The following ANKFY1 variants were observed in gnomAD, a reference collection of about 807,000 sequenced individuals.
ANKFY1 encodes ankyrin repeat and FYVE domain-containing protein 1.
In ANKFY1, 47 loss-of-function variants were observed where a neutral mutation model predicts 128.3. The ratio of observed to expected loss-of-function variants is 0.37; its 90% CI spans 0.29 to 0.47. The LOEUF is 0.47. Among genes scored for constraint, ANKFY1 ranks in the 20% least tolerant of loss-of-function variants. ANKFY1 has a pLI of 1.00. For missense variants in ANKFY1, 1,222 were observed against 1,510.6 expected, an observed-to-expected ratio of 0.81 and a Z score of 3.17; for synonymous variants, 553 against 601.6, an observed-to-expected ratio of 0.92 and a Z score of 1.18.
Position 4,246,072 on chromosome 17 carries a change from C to A in ANKFY1, c.11-3624G>T, listed in dbSNP as rs1043663384. ...AACAAACAACAACAACAAAAAACAA[C>A]CAAAGAAAAAAAATTATGAGTAATA... On this transcript the variant is annotated intron_variant, in intron 1 of 24. Transcript: ENST00000341657. Among the ~76,000 whole-genome samples, 11 of 151,880 alleles carry A rather than the reference C, an allele frequency of 7.2e-5. 1 individual carries two copies. Among genetic ancestry groups the A allele is most frequent in the Admixed American group, 6.6e-4 (10 of 15,216 alleles).
rs2059369076 is a variant in ANKFY1 at position 4,173,964 on chromosome 17, T to A, written c.2868A>T (p.Ser956=). The change falls in exon 20 of 25, where the codon TCA becomes TCT. Residue 956 remains serine, a synonymous_variant. Coordinates refer to ENST00000341657, the MANE Select transcript of ANKFY1 (RefSeq NM_001330063.2). ...AAQQDLPTIC[S]VLLENGVDFA... is the part of the protein sequence containing the mutation. ...AGTCCACGCCATTCTCTAGGAGGACTGAGCAGATGGTGGGCAGGTCCTGCT... is the reference window on the plus strand; with the variant it reads ...AGTCCACGCCATTCTCTAGGAGGACAGAGCAGATGGTGGGCAGGTCCTGCT... The A allele has an allele frequency of 1.2e-6, 2 of 1,614,098 alleles. No individual in the cohort carries two copies. The highest frequency in any genetic ancestry group is 1.3e-5 in the African/African-American group (1 of 74,956).
In ANKFY1 at chr17:4,256,635, T is replaced by C. The variant is rs555033846; in HGVS notation, c.10+7297A>G. 6.6e-5 allele frequency among the ~76,000 whole-genome samples: 10 copies of C among 152,132 alleles called. No individual in the cohort carries two copies. The East Asian group carries it at 1.5e-3, about 23-fold the overall frequency. ...AGAGTCTGGCTGAAAAGTAGTGCCA[T>C]TAATCATGAATATAGAAGAGAAAAC... is the stretch of plus-strand genomic sequence containing the variant. On this transcript the variant is annotated intron_variant, in intron 1 of 24. Coordinates refer to ENST00000341657, the MANE Select transcript of ANKFY1 (RefSeq NM_001330063.2).
chr17:4,243,041 ATCTC>A (rs767337803), intron 1 of ANKFY1, among the ~76,000 whole-genome samples: 16 of 151,976 alleles, frequency 1.1e-4, no homozygotes, highest in Non-Finnish European at 1.8e-4. Flanking sequence ...CCCTCATTTA[ATCTC>A]TCTCTCTTTT....
intron 16 of ANKFY1, chr17:4,180,932 A>C: frequency 3.8e-6 from 1 of 266,452 alleles, no homozygotes; most frequent in East Asian, 6.8e-5. Flanking sequence ...TGCAGAGACC[A>C]TCTGGTCTCC....
intron 11 of ANKFY1, 73 bp downstream of exon 11, chr17:4,189,309 T>A (rs2059669385): frequency 7.5e-7 from 1 of 1,327,600 alleles, no homozygotes; most frequent in Admixed American, 2.2e-5. Context: ...ATTCCCCTTT[T>A]TCCTACATAT....
chr17:4,228,710 C>T (rs1394064712), intron 3 of ANKFY1, among the ~76,000 whole-genome samples: 1 of 152,206 alleles, frequency 6.6e-6, no homozygotes, highest in Non-Finnish European at 1.5e-5. Flanking sequence ...AGCCACCACA[C>T]CCAGCAAGGA....
intron 7 of ANKFY1, among the ~76,000 whole-genome samples, chr17:4,200,178 C>A (rs1255154038): frequency 6.6e-6 from 1 of 151,876 alleles, no homozygotes; most frequent in Non-Finnish European, 1.5e-5. Flanking sequence ...CCTCCCAGCT[C>A]AGCCTCCTGA....
chr17:4,188,907 G>C (rs1315466489), intron 11 of ANKFY1: 1 of 152,076 alleles, frequency 6.6e-6, no homozygotes, highest in African/African-American at 2.4e-5. Flanking sequence ...GCATAGGGAG[G>C]AAATGGGAAA....
Position 4,167,490 on chromosome 17 carries a change from T to G in ANKFY1, c.*289A>C. On this transcript the variant is annotated 3_prime_UTR_variant, in exon 25 of 25. Coordinates refer to ENST00000341657, the MANE Select transcript of ANKFY1 (RefSeq NM_001330063.2). The surrounding 1 kb of genome is among the most constrained non-coding windows in gnomAD (Gnocchi z 4.1). The stretch of plus-strand genomic sequence containing the variant: ...TTTTCCAAGTGTCCCTGTATGTTGC[T>G]AGCAGAATGGGGAGAGGTCTAATTC... 1 of 262,258 alleles carries G rather than the reference T, an allele frequency of 3.8e-6. No homozygotes were observed. Among genetic ancestry groups the G allele is most frequent in the Non-Finnish European group, 7.2e-6 (1 of 139,106 alleles). The allele number at this position is 262,258 out of a possible 1,614,324, so 16.2% of individuals were successfully genotyped here.
At chr17:4,217,884 A>T (rs903853943) in intron 3 of ANKFY1, among the ~76,000 whole-genome samples, 3 of 152,074 alleles carry the variant, frequency 2.0e-5, no homozygotes, top group Non-Finnish European at 4.4e-5. Context: ...CGGTTTCACC[A>T]TGTTGCCCAG....
At chr17:4,182,446 C>T (rs2059532973) in intron 14 of ANKFY1, 97 bp from the exon 15 acceptor site, 1 of 918,796 alleles carries the variant, frequency 1.1e-6, no homozygotes, top group South Asian at 3.0e-5. Context: ...TCTTCTGTCT[C>T]TAATCATATT....
intron 11 of ANKFY1, 74 bp downstream of exon 11, chr17:4,189,308 T>C: frequency 1.4e-5 from 18 of 1,323,394 alleles, no homozygotes; most frequent in Non-Finnish European, 1.9e-5. Flanking sequence ...TATTCCCCTT[T>C]TTCCTACATA....
Position 4,179,830 on chromosome 17 carries a change from CCTT to C in ANKFY1, c.2285_2287del (p.Glu762del), listed in dbSNP as rs766752558. Reference sequence around the variant, plus strand: ...CTGCCCATCTCTAGCCTCTTCCTCTCCTTCTCCATTGGCGCCTGGTTGTCTGGG... The same window carrying C: ...CTGCCCATCTCTAGCCTCTTCCTCTCCTCCATTGGCGCCTGGTTGTCTGGG... On this transcript the variant is annotated inframe_deletion, in exon 17 of 25. Coordinates refer to ENST00000341657, the MANE Select transcript of ANKFY1 (RefSeq NM_001330063.2). The C allele has an allele frequency of 4.3e-6, 7 of 1,614,140 alleles. No individual in the cohort carries two copies. The highest frequency in any genetic ancestry group is 2.7e-5 in the African/African-American group (2 of 74,940).
chr17:4,170,478 T>C (rs2059296279), intron 23 of ANKFY1, among the ~76,000 whole-genome samples: 1 of 152,056 alleles, frequency 6.6e-6, no homozygotes, highest in African/African-American at 2.4e-5. Context: ...TCTAGAAGGT[T>C]GTGGGGTGTG....
intron 1 of ANKFY1, among the ~76,000 whole-genome samples, chr17:4,259,350 G>A (rs1204060311): frequency 6.6e-6 from 1 of 152,134 alleles, no homozygotes. Context: ...GCGCGATCTC[G>A]GATCACTGCA....
intron 4 of ANKFY1, among the ~76,000 whole-genome samples, chr17:4,213,012 T>C (rs574569017): frequency 1.5e-3 from 226 of 152,124 alleles, no homozygotes; most frequent in Non-Finnish European, 2.4e-3. Context: ...TCTGACCTCA[T>C]GACCCGCCCG....
chr17:4,207,492 CTT>C (rs1460957167), intron 6 of ANKFY1, among the ~76,000 whole-genome samples: 1 of 152,146 alleles, frequency 6.6e-6, no homozygotes, highest in Admixed American at 6.5e-5. Context: ...GGATTCTCCT[CTT>C]GAGTCTCTGG....
chr17:4,181,477 G>T lies in ANKFY1; in HGVS notation c.2122-105C>A. Reference sequence around the variant, plus strand: ...TAGCATTAAATCCACTTTCAGATAAGATACGGTTGATAATAAATTGATAAT... The same window carrying T: ...TAGCATTAAATCCACTTTCAGATAATATACGGTTGATAATAAATTGATAAT... On this transcript the variant is annotated intron_variant, in intron 15 of 24. Transcript: ENST00000341657. The surrounding 1 kb of genome is among the most constrained non-coding windows in gnomAD (Gnocchi z 4.9). The T allele has an allele frequency of 2.7e-6, 2 of 728,554 alleles. No homozygotes were observed. Among genetic ancestry groups the T allele is most frequent in the Non-Finnish European group, 2.4e-6 (1 of 412,180 alleles). The allele number at this position is 728,554 out of a possible 1,614,324, so 45.1% of individuals were successfully genotyped here.
intron 1 of ANKFY1, chr17:4,263,552 C>T (rs1018820015): frequency 7.0e-7 from 1 of 1,419,584 alleles, no homozygotes; most frequent in Admixed American, 2.1e-5. Flanking sequence ...GGATGCAGAA[C>T]GTGCCAGGAC....
Sources: gnomAD v4.1 joint callset for allele counts (sites outside exome capture counted in the v4.1 genomes callset) on GRCh38, gnomAD v4.1.1 for gene constraint, Gnocchi (gnomAD v3.1) non-coding constraint, MANE v1.5 for transcripts, NCBI Gene and HGNC (gene_info 2026-07-23, HGNC 2026-07-21) for gene names.